The following CEP131 variants were observed in gnomAD, a reference collection of about 807,000 sequenced individuals.
CEP131 encodes the protein centrosomal protein 131, also known as centrosomal protein of 131 kDa.
A neutral mutation model predicts 136.8 loss-of-function variants in CEP131; 99 were observed. That is an observed-to-expected ratio of 0.72 (90% CI 0.62 to 0.86). The LOEUF is 0.86. CEP131 is among the 40% of genes least tolerant of loss of function. The probability of loss-of-function intolerance (pLI) is 0.00; values close to 1 mark genes in which losing one functional copy is unlikely to be tolerated. For missense variants in CEP131, 1,459 were observed against 1,463.0 expected (o/e 1.00, Z 0.04); for synonymous variants, 646 against 612.7 (o/e 1.05, Z -0.80).
intron 11 of CEP131, among the ~76,000 whole-genome samples, chr17:81,198,591 C>T (rs1395902436): frequency 6.6e-6 from 1 of 152,220 alleles, no homozygotes; most frequent in Non-Finnish European, 1.5e-5. Flanking sequence ...GCTGTCAGGT[C>T]ACCCCTCAGA....
chr17:81,199,862 C>T (rs1291126551), intron 8 of CEP131, 27 bp from the exon 9 acceptor site: 11 of 1,604,730 alleles, frequency 6.9e-6, no homozygotes, highest in South Asian at 1.1e-5. Context: ...TGCCATGTGG[C>T]GTTTACATCT....
intron 17 of CEP131, among the ~76,000 whole-genome samples, chr17:81,194,624 T>A (rs922780578): frequency 6.6e-6 from 1 of 152,174 alleles, no homozygotes; most frequent in Non-Finnish European, 1.5e-5. Context: ...CTGAGCCCCC[T>A]CGTTTCAGGC....
In CEP131 at chr17:81,203,875, G is replaced by T. The variant is rs539631938; in HGVS notation, c.516-268C>A. ...CATGAACGCTGGACGTGCCCAAGAC[G>T]GGGGGAGCAGCTCAGGCCAGCAGCT... is the stretch of plus-strand genomic sequence containing the variant. On this transcript the variant is annotated intron_variant, in intron 5 of 25. Transcript: ENST00000450824. This position sits in a 1 kb window ranked among gnomAD's most constrained non-coding sequence, Gnocchi z 4.6. 1.8e-5 allele frequency: 8 copies of T among 439,888 alleles called. No individual in the cohort carries two copies. The highest frequency in any genetic ancestry group is 6.0e-5 in the South Asian group (2 of 33,354). The allele number at this position is 439,888 out of a possible 1,614,324, so 27.2% of individuals were successfully genotyped here.
chr17:81,194,198 A>G, intron 17 of CEP131, 71 bp from the exon 18 acceptor site: 9 of 1,380,062 alleles, frequency 6.5e-6, no homozygotes, highest in Non-Finnish European at 8.6e-6. Flanking sequence ...CTGGCACAAG[A>G]CCAGCCTGTC....
rs1240976893 is a variant in CEP131 at position 81,203,332 on chromosome 17, C to T, written c.629+162G>A. On this transcript the variant is annotated intron_variant, in intron 6 of 25. Coordinates refer to ENST00000450824, the MANE Select transcript of CEP131 (RefSeq NM_014984.4). The surrounding 1 kb of genome is among the most constrained non-coding windows in gnomAD (Gnocchi z 4.6). Reference sequence around the variant, plus strand: ...ACGTGCACTGACCACGTGCCCTGACCGAGGTTGGACCCCATGCACACTGAC... The same window carrying T: ...ACGTGCACTGACCACGTGCCCTGACTGAGGTTGGACCCCATGCACACTGAC... Among the ~76,000 whole-genome samples, 1 of 152,158 alleles carries T rather than the reference C, an allele frequency of 6.6e-6. No homozygotes were observed. The highest frequency in any genetic ancestry group is 2.4e-5 in the African/African-American group (1 of 41,422).
chr17:81,204,853 G>C (rs1031806976), intron 5 of CEP131, among the ~76,000 whole-genome samples: 2 of 152,170 alleles, frequency 1.3e-5, no homozygotes, highest in Non-Finnish European at 2.9e-5. Context: ...TTCAACAGCT[G>C]GTTCTTGGAG....
chr17:81,222,319 C>T (rs1335496968), intron 1 of CEP131, among the ~76,000 whole-genome samples: 1 of 144,720 alleles, frequency 6.9e-6, no homozygotes, highest in African/African-American at 2.5e-5. Context: ...CTGACCCTGA[C>T]CCTGGACAGA....
At chr17:81,202,215 C>G (rs577400492) in intron 7 of CEP131, 25 bp downstream of exon 7, 4 of 1,546,288 alleles carry the variant, frequency 2.6e-6, no homozygotes, top group Non-Finnish European at 3.5e-6. Context: ...CTCAGGCCCC[C>G]CCCCACCGCC....
At position 81,189,990 on chromosome 17, in the gene CEP131, T is replaced by C. The variant is rs747209049; in HGVS notation, c.3108-15A>G. 6.9e-6 allele frequency: 11 copies of C among 1,597,600 alleles called. No individual in the cohort carries two copies. The highest frequency in any genetic ancestry group is 7.7e-6 in the Non-Finnish European group (9 of 1,168,722). On this transcript the variant is annotated splice_polypyrimidine_tract_variant and intron_variant, in intron 24 of 25. Transcript: ENST00000450824. ...CTGTCTTCACCCTGTGGGTAGTACATGGTAGGCTTCAGTGTGGCCCCCGCC... is the reference window on the plus strand; with the variant it reads ...CTGTCTTCACCCTGTGGGTAGTACACGGTAGGCTTCAGTGTGGCCCCCGCC...
chr17:81,197,641 C>CT lies in CEP131; in HGVS notation c.1647+70_1647+71insA, dbSNP rs1288437308. ...CGGGCTGGTGAGGGGCCTCCTCCCC[C>CT]GAGGGCCAGGTGCAGGCTCGTGAGG... On this transcript the variant is annotated intron_variant, in intron 13 of 25. Transcript: ENST00000450824. The CT allele has an allele frequency of 3.3e-6, 5 of 1,516,034 alleles. No individual in the cohort carries two copies. In the East Asian group the frequency reaches 9.5e-5, roughly 29 times the overall value. 93.9% of individuals were successfully genotyped at this position (1,516,034 alleles called of 1,614,324 possible). A position where few individuals can be genotyped will look rare whatever the true frequency, so the allele number is the denominator to read the frequency against.
intron 13 of CEP131, chr17:81,197,310 C>A (rs1452788864): frequency 8.7e-6 from 5 of 573,460 alleles, no homozygotes; most frequent in Non-Finnish European, 1.5e-5. Flanking sequence ...CAGCTTCCTG[C>A]CCTGTGACAA....
chr17:81,193,961 C>G lies in CEP131; in HGVS notation c.2286G>C (p.Ala762=). The G allele has an allele frequency of 1.9e-6, 3 of 1,541,954 alleles. No homozygotes were observed. Among genetic ancestry groups the G allele is most frequent in the Non-Finnish European group, 2.6e-6 (3 of 1,143,386 alleles). The part of the protein sequence containing the change: ...LREQLEREKE[A]LGQQERERAR... ...CACGTTCGCGCTCCTGCTGGCCCAGCGCCTCCTTCTCCCGCTCCAGCTGCT... is the reference window on the plus strand; with the variant it reads ...CACGTTCGCGCTCCTGCTGGCCCAGGGCCTCCTTCTCCCGCTCCAGCTGCT... Residue 762 remains alanine (A), a synonymous_variant, in exon 18 of 26, where the codon GCG becomes GCC. Transcript: ENST00000450824.
At chr17:81,198,848 G>T in intron 11 of CEP131, 29 bp downstream of exon 11, 1 of 1,555,678 alleles carries the variant, frequency 6.4e-7, no homozygotes. Context: ...CAAAAACCAT[G>T]ATGGAGTGAA....
rs201242102 is a variant in CEP131 at position 81,197,693 on chromosome 17, C to G, written c.1647+19G>C. 10 of 1,596,056 alleles carry G rather than the reference C, an allele frequency of 6.3e-6. No homozygotes were observed. The highest frequency in any genetic ancestry group is 8.5e-6 in the Non-Finnish European group (10 of 1,170,848). On this transcript the variant is annotated intron_variant, in intron 13 of 25. Coordinates refer to ENST00000450824, the MANE Select transcript of CEP131 (RefSeq NM_014984.4). ...GCCTCCTCCCACTGGGGGCCGGGTG[C>G]GGGCTGGTGAGGGGCCACCTCCTGC... is the stretch of plus-strand genomic sequence containing the variant.
chr17:81,193,789 C>T, intron 18 of CEP131, 137 bp downstream of exon 18: 1 of 1,009,404 alleles, frequency 9.9e-7, no homozygotes, highest in Non-Finnish European at 1.4e-6. Context: ...ACTCCAGGGC[C>T]AAGGGCCCTG....
chr17:81,199,599 G>T, intron 9 of CEP131, 50 bp from the exon 10 acceptor site: 1 of 1,588,692 alleles, frequency 6.3e-7, no homozygotes. Context: ...GACGACCCCA[G>T]GCTCCACAGC....
At position 81,189,918 on chromosome 17, in the gene CEP131, A is replaced by G. The variant is rs2146465804; in HGVS notation, c.3165T>C (p.His1055=). 1.2e-6 allele frequency: 2 copies of G among 1,612,678 alleles called. No homozygotes were observed. The highest frequency in any genetic ancestry group is 1.7e-4 in the Middle Eastern group (1 of 6,052). The change falls in exon 25 of 26, where the codon CAT becomes CAC. Residue 1055 remains histidine (H), a synonymous_variant. Coordinates refer to ENST00000450824, the MANE Select transcript of CEP131 (RefSeq NM_014984.4). ...EEAVSSLRTQ[H]EAAVKRADHL... Reference sequence around the variant, plus strand: ...AGGGCTGGCCACAGGGACTCACCTCATGTTGTGTCCGGAGGCTGCTCACGG... The same window carrying G: ...AGGGCTGGCCACAGGGACTCACCTCGTGTTGTGTCCGGAGGCTGCTCACGG...
In CEP131 at chr17:81,190,627, C is replaced by T; in HGVS notation, c.3107+12G>A. 1 of 1,566,066 alleles carries T rather than the reference C, an allele frequency of 6.4e-7. No individual in the cohort carries two copies. The highest frequency in any genetic ancestry group is 1.2e-5 in the South Asian group (1 of 86,300). ...CGCCTCCGTCTCCAGCCCTGCAGCC[C>T]CCGCCGCCCACCTCCGGTGCACCTC... is the stretch of plus-strand genomic sequence containing the variant. On this transcript the variant is annotated intron_variant, in intron 24 of 25. Transcript: ENST00000450824.
rs764446011 is a variant in CEP131 at position 81,196,676 on chromosome 17, C to T, written c.1899+25G>A. 5.6e-6 allele frequency: 9 copies of T among 1,593,984 alleles called. No homozygotes were observed. The Middle Eastern group carries it at 7.6e-4, about 134-fold the overall frequency. On this transcript the variant is annotated intron_variant, in intron 15 of 25. Transcript: ENST00000450824. ...CCATGAGCCACGCGCTGGGTCCGGGCCTCTGCGCTCCCCGGGCCGCTCACC... is the reference window on the plus strand; with the variant it reads ...CCATGAGCCACGCGCTGGGTCCGGGTCTCTGCGCTCCCCGGGCCGCTCACC...
Sources: allele counts gnomAD v4.1 joint callset (sites outside exome capture counted in the v4.1 genomes callset), GRCh38; gene constraint gnomAD v4.1.1; non-coding constraint Gnocchi (gnomAD v3.1); transcripts MANE v1.5; gene names NCBI Gene and HGNC (gene_info 2026-07-23, HGNC 2026-07-21).